Variants in DENND4A observed in about 807,000 individuals in gnomAD.
The protein encoded by DENND4A is C-myc promoter-binding protein.
In DENND4A, 70 loss-of-function variants were observed where a neutral mutation model predicts 199.3. The ratio of observed to expected loss-of-function variants is 0.35; its 90% CI spans 0.29 to 0.43. DENND4A has a LOEUF of 0.43. Ranked by LOEUF, DENND4A falls within the 20% of genes least tolerant of loss-of-function variation. DENND4A has a pLI of 1.00. For synonymous variants in DENND4A, 686 were observed against 766.9 expected (o/e 0.89, Z 1.74); for missense variants, 1,723 against 2,255.8 (o/e 0.76, Z 4.78).
intron 1 of DENND4A, among the ~76,000 whole-genome samples, chr15:65,767,989 C>G (rs1246013895): frequency 6.6e-6 from 1 of 152,172 alleles, no homozygotes. Flanking sequence ...CTCCGTATCT[C>G]AGGTGCTCTT....
At chr15:65,680,691 C>T (rs554416500) in intron 23 of DENND4A, 1 of 152,174 alleles carries the variant, frequency 6.6e-6, no homozygotes, top group Non-Finnish European at 1.5e-5. Context: ...CTGTACAGAC[C>T]TACCTTGGAG....
chr15:65,717,150 T>C (rs958105671), intron 13 of DENND4A, among the ~76,000 whole-genome samples: 2 of 152,188 alleles, frequency 1.3e-5, no homozygotes, highest in Admixed American at 6.5e-5. Flanking sequence ...CTCTCATCTT[T>C]TACTTTTTTT....
chr15:65,661,915 C>T lies in DENND4A; in HGVS notation c.5660G>A (p.Cys1887Tyr). ...CACCCCTGTACTTGGTGGTCTATCA[C>T]AGTTGTGTGTACTCTTGACTTGACT... ...TPSQVKSTHN[C>Y]DRPPSTGVME... The change falls in exon 33 of 33, where the codon TGT (cysteine) becomes TAT (tyrosine). Residue 1887 changes from cysteine (C) to tyrosine (Y), a missense_variant. Cys to Tyr is a radical substitution (Grantham distance 194, BLOSUM62 -2). Transcript: ENST00000443035. 1.2e-6 allele frequency: 2 copies of T among 1,613,202 alleles called. No homozygotes were observed. Among genetic ancestry groups the T allele is most frequent in the Non-Finnish European group, 8.5e-7 (1 of 1,179,518 alleles).
In DENND4A at chr15:65,700,576, T is replaced by C. The variant is rs1241065572; in HGVS notation, c.2801A>G (p.Lys934Arg). The C allele has an allele frequency of 2.1e-5, 32 of 1,542,806 alleles. No individual in the cohort carries two copies. Among genetic ancestry groups the C allele is most frequent in the Non-Finnish European group, 2.7e-5 (31 of 1,142,900 alleles). The stretch of plus-strand genomic sequence containing the variant: ...AGATCTATCATCAGTAGCATATACT[T>C]TGATTAAACCCGTATTAAAAGGTGC... Reference protein sequence around the residue: ...EQAPFNTGLIKVYATDDRSST... With the variant: ...EQAPFNTGLIRVYATDDRSST... The change falls in exon 20 of 33, where the codon AAA becomes AGA. Residue 934 changes from lysine (K) to arginine (R), a missense_variant. Physicochemically the swap from Lys to Arg is conservative, Grantham distance 26 (BLOSUM62 2). Transcript: ENST00000443035.
intron 24 of DENND4A, among the ~76,000 whole-genome samples, chr15:65,673,158 G>C (rs2076269636): frequency 6.6e-6 from 1 of 150,432 alleles, no homozygotes; most frequent in Non-Finnish European, 1.5e-5. Flanking sequence ...ACCGTGCCCA[G>C]CCGAGGACTG....
chr15:65,686,323 T>C (rs2076779154), intron 23 of DENND4A, among the ~76,000 whole-genome samples: 1 of 152,176 alleles, frequency 6.6e-6, no homozygotes, highest in Non-Finnish European at 1.5e-5. Context: ...TTGAAAATAG[T>C]GTATTCTGTA....
intron 23 of DENND4A, among the ~76,000 whole-genome samples, chr15:65,682,674 C>T (rs748562065): frequency 5.3e-5 from 8 of 152,186 alleles, no homozygotes; most frequent in African/African-American, 7.2e-5. Flanking sequence ...ACCTCACTTT[C>T]GGCCTTTCTT....
chr15:65,719,476 A>C (rs1342386709), intron 12 of DENND4A: 1 of 152,234 alleles, frequency 6.6e-6, no homozygotes, highest in East Asian at 1.9e-4. Flanking sequence ...ACACCACCTT[A>C]ATCAAGTGAT....
chr15:65,738,770 G>C lies in DENND4A; in HGVS notation c.737C>G (p.Ser246Ter). The C allele has an allele frequency of 6.2e-7, 1 of 1,612,930 alleles. No homozygotes were observed. Among genetic ancestry groups the C allele is most frequent in the Non-Finnish European group, 8.5e-7 (1 of 1,179,350 alleles). ...TACAGGCAGAGGGTATTTGCTATTT[G>C]ATGGCCAACATTCAATGGTTGCACC... ...PMGATIECWP[S>*]NSKYPLPVFS... The change falls in exon 6 of 33, where the codon TCA becomes TGA. Residue 246 changes from serine to a stop codon, truncating the protein, a stop_gained. Transcript: ENST00000443035. LOFTEE classifies it high-confidence loss of function.
intron 14 of DENND4A, among the ~76,000 whole-genome samples, chr15:65,714,134 G>C (rs145367709): frequency 1.3e-5 from 2 of 151,916 alleles, no homozygotes; most frequent in East Asian, 3.9e-4. Context: ...ATCTTTGGCC[G>C]GGTGCAGTGG....
At chr15:65,715,214 G>GT (rs1329643115) in intron 14 of DENND4A, 1 of 246,396 alleles carries the variant, frequency 4.1e-6, no homozygotes, top group Non-Finnish European at 7.7e-6. Context: ...TCCTGGTTTT[G>GT]TAAGTGGACA....
At chr15:65,732,899 G>C (rs1303564850) in intron 7 of DENND4A, 81 bp from the exon 8 acceptor site, 2 of 823,366 alleles carry the variant, frequency 2.4e-6, no homozygotes, top group Middle Eastern at 4.5e-4. Flanking sequence ...ACAAGTCCAA[G>C]TTGAGTCAAA....
chr15:65,774,905 T>C (rs1253520976), intron 1 of DENND4A, among the ~76,000 whole-genome samples: 1 of 145,270 alleles, frequency 6.9e-6, no homozygotes, highest in Non-Finnish European at 1.5e-5. Context: ...AAGGTTTCAC[T>C]CTGTTACCCA....
chr15:65,704,635 G>A (rs1391975756), intron 15 of DENND4A, among the ~76,000 whole-genome samples: 2 of 152,088 alleles, frequency 1.3e-5, no homozygotes, highest in African/African-American at 4.8e-5. Context: ...CTGTCACGCA[G>A]GCTGGAGTGC....
At chr15:65,756,565 GAGCACTAGTTCCTTGATAAACAC>G in intron 2 of DENND4A, 93 bp from the exon 3 acceptor site, 1 of 805,820 alleles carries the variant, frequency 1.2e-6, no homozygotes, top group East Asian at 2.6e-5. Context: ...ACTACAAAAA[GAGCACTAGTTCCTTGATAAACAC>G]AGTAGCATTG....
At chr15:65,728,876 C>A in intron 11 of DENND4A, 196 bp downstream of exon 11, 2 of 630,904 alleles carry the variant, frequency 3.2e-6, no homozygotes, top group Non-Finnish European at 5.7e-6. Context: ...GTCCTTCCAA[C>A]AAAACCTTCT....
chr15:65,732,774 T>C lies in DENND4A; in HGVS notation c.1085A>G (p.Gln362Arg). Residue 362 changes from glutamine (Q) to arginine (R), a missense_variant, in exon 8 of 33, where the codon CAG (glutamine) becomes CGG (arginine). Coordinates refer to ENST00000443035, the MANE Select transcript of DENND4A (RefSeq NM_001320835.1). ...TACCTGAACTAAAATCCGTGGTCTC[T>C]GAGGAGATGGAAAAGGAACTTTATG... Reference protein sequence around the residue: ...FMHKVPFPSPQRPRILVQLSP... With the variant: ...FMHKVPFPSPRRPRILVQLSP... 1 of 1,605,360 alleles carries C rather than the reference T, an allele frequency of 6.2e-7. No individual in the cohort carries two copies. Among genetic ancestry groups the C allele is most frequent in the Non-Finnish European group, 8.5e-7 (1 of 1,173,276 alleles).
chr15:65,712,197 G>C (rs1435523773), intron 14 of DENND4A, among the ~76,000 whole-genome samples: 2 of 152,152 alleles, frequency 1.3e-5, no homozygotes, highest in African/African-American at 4.8e-5. Flanking sequence ...GTATTTCTCT[G>C]TATCAATCAT....
At chr15:65,768,264 G>A (rs1003994784) in intron 1 of DENND4A, among the ~76,000 whole-genome samples, 19 of 152,076 alleles carry the variant, frequency 1.2e-4, no homozygotes, top group African/African-American at 4.3e-4. Flanking sequence ...TGATCTGCCC[G>A]TGCCGGCATC....
Sources: gnomAD v4.1 joint callset for allele counts (sites outside exome capture counted in the v4.1 genomes callset) on GRCh38, gnomAD v4.1.1 for gene constraint, MANE v1.5 for transcripts, NCBI Gene and HGNC (gene_info 2026-07-23, HGNC 2026-07-21) for gene names.